The following TRARG1 variants were observed in gnomAD, a reference collection of about 807,000 sequenced individuals.
TRARG1 encodes trafficking regulator of GLUT4 1.
In TRARG1, 16 loss-of-function variants were observed where a neutral mutation model predicts 13.3. The ratio of observed to expected loss-of-function variants is 1.20; its 90% CI spans 0.81 to 1.83. TRARG1 has a LOEUF of 1.83. TRARG1 is among the 40% of genes most tolerant of loss of function. TRARG1 has a pLI of 0.00. For missense variants in TRARG1, 250 were observed against 237.4 expected (o/e 1.05, Z -0.35); for synonymous variants, 113 against 106.2 (o/e 1.06, Z -0.39).
intron 1 of TRARG1, among the ~76,000 whole-genome samples, chr17:1,294,903 C>T (rs551692142): frequency 6.6e-6 from 1 of 152,140 alleles, no homozygotes; most frequent in African/African-American, 2.4e-5. Flanking sequence ...TCAGGCTGGT[C>T]GCAAACTCCT....
At chr17:1,281,722 CTT>C in intron 1 of TRARG1, among the ~76,000 whole-genome samples, 1 of 152,042 alleles carries the variant, frequency 6.6e-6, no homozygotes, top group Non-Finnish European at 1.5e-5. Flanking sequence ...GGGCCTGCCT[CTT>C]GGTTACAGGG....
At chr17:1,292,169 A>AAAAACAAAAC (rs143762295) in intron 1 of TRARG1, among the ~76,000 whole-genome samples, 2 of 150,788 alleles carry the variant, frequency 1.3e-5, no homozygotes, top group Non-Finnish European at 3.0e-5. Context: ...ACTCCATCTC[A>AAAAACAAAAC]AAAACAAAAC....
At chr17:1,292,936 G>A (rs2150811119) in intron 1 of TRARG1, among the ~76,000 whole-genome samples, 1 of 152,302 alleles carries the variant, frequency 6.6e-6, no homozygotes, top group African/African-American at 2.4e-5. Context: ...CAGACAGTGT[G>A]AATCGGGGGC....
At chr17:1,288,493 T>C (rs1334433530) in intron 1 of TRARG1, among the ~76,000 whole-genome samples, 3 of 46,232 alleles carry the variant, frequency 6.5e-5, no homozygotes, top group African/African-American at 1.9e-4. Flanking sequence ...CCCCCATGGG[T>C]TTCCCATCCC....
chr17:1,282,066 A>G (rs1255899382), intron 1 of TRARG1, among the ~76,000 whole-genome samples: 2 of 133,720 alleles, frequency 1.5e-5, no homozygotes, highest in African/African-American at 3.8e-5. Flanking sequence ...GTACATGTAT[A>G]CACATATATA....
intron 1 of TRARG1, among the ~76,000 whole-genome samples, chr17:1,282,007 CATATGTACATAT>C (rs1333749524): frequency 6.7e-5 from 10 of 148,956 alleles, no homozygotes; most frequent in African/African-American, 2.5e-4. Context: ...CAGATATACA[CATATGTACATAT>C]ACATATGTAC....
intron 1 of TRARG1, among the ~76,000 whole-genome samples, chr17:1,282,975 C>T (rs1242334363): frequency 6.6e-6 from 1 of 152,162 alleles, no homozygotes; most frequent in African/African-American, 2.4e-5. Context: ...CAGGCAAGTG[C>T]CCACCACACT....
At chr17:1,280,590 C>A (rs966076185) in intron 1 of TRARG1, among the ~76,000 whole-genome samples, 1 of 152,172 alleles carries the variant, frequency 6.6e-6, no homozygotes, top group African/African-American at 2.4e-5. Context: ...CTGCTCTGTT[C>A]TCTCATCTCT....
At chr17:1,292,835 C>T (rs905576135) in intron 1 of TRARG1, among the ~76,000 whole-genome samples, 1 of 152,188 alleles carries the variant, frequency 6.6e-6, no homozygotes, top group Non-Finnish European at 1.5e-5. Context: ...ACAAAGGAGG[C>T]CAGTGGGCCA....
rs1010363264 is a variant in TRARG1, at chr17:1,298,470, C to T, written c.*206C>T. 1.5e-5 allele frequency: 8 copies of T among 536,512 alleles called. No individual in the cohort carries two copies. The highest frequency in any genetic ancestry group is 5.9e-5 in the South Asian group (2 of 33,768). 33.2% of individuals were successfully genotyped at this position (536,512 alleles called of 1,614,324 possible). ...CCTGGAGCGAGGAAGGAAAGCACAG[C>T]GAACCCAATGGGTAACGTGGTTTAC... On this transcript the variant is annotated 3_prime_UTR_variant, in exon 3 of 3. Coordinates refer to ENST00000333813, the MANE Select transcript of TRARG1 (RefSeq NM_172367.3).
intron 1 of TRARG1, among the ~76,000 whole-genome samples, chr17:1,293,119 A>C (rs1326194497): frequency 6.6e-6 from 1 of 151,974 alleles, no homozygotes; most frequent in Non-Finnish European, 1.5e-5. Context: ...AACTGTCTCT[A>C]CTAAAAATAC....
At chr17:1,293,283 CAAAAAAA>C (rs55792385) in intron 1 of TRARG1, among the ~76,000 whole-genome samples, 2 of 77,180 alleles carry the variant, frequency 2.6e-5, no homozygotes, top group Admixed American at 3.1e-4. Flanking sequence ...GACTCTGTCT[CAAAAAAA>C]AAAAAAAAAA....
At chr17:1,283,991 T>C (rs2072002500) in intron 1 of TRARG1, among the ~76,000 whole-genome samples, 2 of 151,666 alleles carry the variant, frequency 1.3e-5, no homozygotes, top group South Asian at 2.1e-4. Context: ...AGTGGGCGCC[T>C]GTAGTCCCAG....
chr17:1,289,571 C>T (rs1282996720), intron 1 of TRARG1, among the ~76,000 whole-genome samples: 2 of 151,140 alleles, frequency 1.3e-5, no homozygotes, highest in African/African-American at 2.4e-5. Flanking sequence ...CCACTCCCTC[C>T]TTCTTTCCCA....
At position 1,295,581 on chromosome 17, in the gene TRARG1, G is replaced by T; in HGVS notation, c.478G>T (p.Gly160Cys). Residue 160 changes from glycine to cysteine, a missense_variant, in exon 2 of 3, where the codon GGC (glycine) becomes TGC (cysteine). Gly to Cys is a radical substitution (Grantham distance 159, BLOSUM62 -3). Coordinates refer to ENST00000333813, the MANE Select transcript of TRARG1 (RefSeq NM_172367.3). ...GCTCAGCATTACCCTCATCATCATG[G>T]GCATCGTCATTATCATGGTGGCCGT... ...RLLSITLIIMGIVIIMVAVTV... is the reference protein window; with the variant it reads ...RLLSITLIIMCIVIIMVAVTV... The T allele has an allele frequency of 6.2e-7, 1 of 1,613,250 alleles. No individual in the cohort carries two copies. Among genetic ancestry groups the T allele is most frequent in the Non-Finnish European group, 8.5e-7 (1 of 1,179,758 alleles).
At chr17:1,289,331 T>C (rs1598192092) in intron 1 of TRARG1, among the ~76,000 whole-genome samples, 1 of 4,790 alleles carries the variant, frequency 2.1e-4, no homozygotes. Flanking sequence ...CCCCCATGGG[T>C]TCCTCATCCC....
At chr17:1,294,830 G>C (rs928551997) in intron 1 of TRARG1, among the ~76,000 whole-genome samples, 1 of 151,612 alleles carries the variant, frequency 6.6e-6, no homozygotes, top group Non-Finnish European at 1.5e-5. Context: ...GGATTATAGG[G>C]GTGCACCACC....
intron 1 of TRARG1, among the ~76,000 whole-genome samples, chr17:1,294,412 T>C (rs1002697006): frequency 6.6e-6 from 1 of 151,730 alleles, no homozygotes; most frequent in Non-Finnish European, 1.5e-5. Flanking sequence ...GGAAGTGGGC[T>C]TGATTGAACG....
At position 1,280,672 on chromosome 17, in the gene TRARG1, A is replaced by C. The variant is rs556083491; in HGVS notation, c.387+284A>C. 3.4e-4 allele frequency among the ~76,000 whole-genome samples: 52 copies of C among 152,186 alleles called. No individual in the cohort carries two copies. The South Asian group carries it at 8.9e-3, about 26-fold the overall frequency. On this transcript the variant is annotated intron_variant, in intron 1 of 2. Coordinates refer to ENST00000333813, the MANE Select transcript of TRARG1 (RefSeq NM_172367.3). ...GGGGCCCTCAGGGAGCTGCCTGGCG[A>C]TACATCCCGCGGGGCAGAAAGATAG...
Sources: allele counts gnomAD v4.1 joint callset (sites outside exome capture counted in the v4.1 genomes callset), GRCh38; gene constraint gnomAD v4.1.1; transcripts MANE v1.5; gene names NCBI Gene and HGNC (gene_info 2026-07-23, HGNC 2026-07-21).